The following HSPA12A variants were observed in gnomAD, a reference collection of about 807,000 sequenced individuals.
The protein encoded by HSPA12A is heat shock protein family A (Hsp70) member 12A.
In HSPA12A, 28 loss-of-function variants were observed where a neutral mutation model predicts 69.2. That is an observed-to-expected ratio of 0.40 (90% CI 0.30 to 0.55). HSPA12A has a LOEUF of 0.55. Among genes scored for constraint, HSPA12A ranks in the 20% least tolerant of loss-of-function variants. The probability of loss-of-function intolerance (pLI) is 0.38; values close to 1 mark genes in which losing one functional copy is unlikely to be tolerated. For missense variants in HSPA12A, 686 were observed against 900.7 expected (o/e 0.76, Z 3.05); for synonymous variants, 345 against 370.5 (o/e 0.93, Z 0.79).
intron 10 of HSPA12A, 26 bp from the exon 11 acceptor site, chr10:116,676,528 G>A (rs2121540): frequency 1.3e-6 from 2 of 1,569,746 alleles, no homozygotes; most frequent in Non-Finnish European, 8.8e-7. Context: ...ATGGAGAAGA[G>A]CAGGCAGTGA....
intron 2 of HSPA12A, among the ~76,000 whole-genome samples, chr10:116,808,489 T>C (rs1198640396): frequency 6.6e-6 from 1 of 152,084 alleles, no homozygotes; most frequent in Admixed American, 6.5e-5. Flanking sequence ...TGAGGCTGAT[T>C]TCCATGGTGG....
intron 2 of HSPA12A, among the ~76,000 whole-genome samples, chr10:116,755,450 A>G (rs1344980063): frequency 6.6e-6 from 1 of 151,756 alleles, no homozygotes; most frequent in African/African-American, 2.4e-5. Flanking sequence ...CGTCTCTACT[A>G]AAAATACAAA....
intron 4 of HSPA12A, among the ~76,000 whole-genome samples, chr10:116,700,313 A>C (rs184803084): frequency 1.3e-5 from 2 of 152,336 alleles, no homozygotes; most frequent in East Asian, 3.9e-4. Flanking sequence ...CCTATGCCCT[A>C]TCCTTTTCTA....
At chr10:116,722,123 G>A (rs1850801383) in intron 1 of HSPA12A, among the ~76,000 whole-genome samples, 1 of 152,236 alleles carries the variant, frequency 6.6e-6, no homozygotes, top group Admixed American at 6.5e-5. Context: ...GCTTCATTAG[G>A]CAGGGCAGCT....
intron 2 of HSPA12A, among the ~76,000 whole-genome samples, chr10:116,763,813 C>A (rs1844022589): frequency 6.6e-6 from 1 of 152,186 alleles, no homozygotes; most frequent in Non-Finnish European, 1.5e-5. Flanking sequence ...ACAGCATAGA[C>A]TGAAGCTTTA....
At chr10:116,797,393 T>C (rs1637566) in intron 2 of HSPA12A, among the ~76,000 whole-genome samples, 129,140 of 152,092 alleles carry the variant, frequency 0.85, 55,848 homozygotes, top group Non-Finnish European at 0.93. Context: ...CAGTCAGATG[T>C]TTGGGTTCCT....
At chr10:116,845,245 G>GT (rs1845860738) in intron 1 of HSPA12A, among the ~76,000 whole-genome samples, 1 of 152,078 alleles carries the variant, frequency 6.6e-6, no homozygotes, top group Non-Finnish European at 1.5e-5. Flanking sequence ...TAAATTTATA[G>GT]TTATTATATA....
chr10:116,713,684 G>T lies in HSPA12A; in HGVS notation c.41-6399C>A, dbSNP rs562314652. On this transcript the variant is annotated intron_variant, in intron 1 of 11. Coordinates refer to ENST00000369209, the MANE Select transcript of HSPA12A (RefSeq NM_025015.3). ...TTCACAGTCTCTCTCCTAACTGCAG[G>T]TTCATGCATTGGTCCGTGGGCCTCC... Among the ~76,000 whole-genome samples the T allele has an allele frequency of 2.6e-5, 4 of 152,274 alleles. No individual in the cohort carries two copies. In the South Asian group the frequency reaches 8.3e-4, roughly 32 times the overall value.
In HSPA12A at chr10:116,849,425, G is replaced by T. The variant is rs553138860; in HGVS notation, c.3+141C>A. The T allele has an allele frequency of 9.1e-6, 11 of 1,205,050 alleles. No individual in the cohort carries two copies. The South Asian group carries it at 2.2e-4, about 24-fold the overall frequency. 74.6% of individuals were successfully genotyped at this position (1,205,050 alleles called of 1,614,324 possible). ...ATACCATCCTAGCTCCAATAAAAGG[G>T]AACGACTTTTACCGCAGGAAGAACC... On this transcript the variant is annotated intron_variant, in intron 1 of 12. Transcript: ENST00000635765.
intron 1 of HSPA12A, among the ~76,000 whole-genome samples, chr10:116,717,971 A>G (rs1850659087): frequency 6.6e-6 from 1 of 152,176 alleles, no homozygotes. Context: ...GGGAACTTTC[A>G]GAATAACCTA....
intron 1 of HSPA12A, among the ~76,000 whole-genome samples, chr10:116,715,989 C>A (rs1294261536): frequency 6.6e-6 from 1 of 152,232 alleles, no homozygotes; most frequent in Admixed American, 6.5e-5. Context: ...CAGGCACCCA[C>A]TGGCCCCCTC....
intron 2 of HSPA12A, among the ~76,000 whole-genome samples, chr10:116,794,582 G>A (rs980418216): frequency 1.4e-4 from 21 of 152,312 alleles, no homozygotes; most frequent in Middle Eastern, 6.8e-3. Flanking sequence ...GGGAGGCAAG[G>A]TGGGTGGATA....
chr10:116,701,000 A>C lies in HSPA12A; in HGVS notation c.384T>G (p.Asn128Lys). Residue 128 changes from asparagine (N) to lysine (K), a missense_variant, in exon 4 of 12, where the codon AAT (asparagine) becomes AAG (lysine). Physicochemically the swap from Asn to Lys is moderately conservative, Grantham distance 94. Coordinates refer to ENST00000369209, the MANE Select transcript of HSPA12A (RefSeq NM_025015.3). ...ARDFYHDLDP[N>K]EAKQWLYLEK... ...CCAGGTACAGCCACTGCTTGGCCTCATTGGGATCCAGGTCATGGTAAAAGT... is the reference window on the plus strand; with the variant it reads ...CCAGGTACAGCCACTGCTTGGCCTCCTTGGGATCCAGGTCATGGTAAAAGT... The C allele has an allele frequency of 1.9e-6, 3 of 1,613,958 alleles. No individual in the cohort carries two copies. The highest frequency in any genetic ancestry group is 2.5e-6 in the Non-Finnish European group (3 of 1,180,000).
intron 2 of HSPA12A, among the ~76,000 whole-genome samples, chr10:116,809,508 G>C (rs765015030): frequency 4.6e-5 from 7 of 152,242 alleles, no homozygotes; most frequent in Non-Finnish European, 7.3e-5. Flanking sequence ...GCAAGGTGAG[G>C]ATTCCACGGG....
intron 6 of HSPA12A, among the ~76,000 whole-genome samples, chr10:116,685,702 T>C (rs1420746926): frequency 1.3e-5 from 2 of 151,572 alleles, no homozygotes; most frequent in African/African-American, 4.9e-5. Flanking sequence ...TCACTTTATG[T>C]AGAAAGAGAG....
intron 2 of HSPA12A, among the ~76,000 whole-genome samples, chr10:116,821,371 GGACAGCCACATGGCTTGAT>G (rs2133197809): frequency 1.3e-5 from 2 of 152,152 alleles, no homozygotes; most frequent in South Asian, 4.2e-4. Flanking sequence ...CTCCTCCATT[GGACAGCCACATGGCTTGAT>G]GACCCACCTT....
At chr10:116,705,736 G>C (rs2132980980) in intron 2 of HSPA12A, among the ~76,000 whole-genome samples, 1 of 152,292 alleles carries the variant, frequency 6.6e-6, no homozygotes, top group Non-Finnish European at 1.5e-5. Context: ...ATCTGTGCTG[G>C]CATTTCATGC....
chr10:116,717,213 C>A (rs1338744114), intron 1 of HSPA12A, among the ~76,000 whole-genome samples: 2 of 152,152 alleles, frequency 1.3e-5, no homozygotes, highest in African/African-American at 4.8e-5. Context: ...AGTCAGGATG[C>A]CACCCAGGCA....
intron 2 of HSPA12A, among the ~76,000 whole-genome samples, chr10:116,825,191 A>AG (rs1845480757): frequency 6.6e-6 from 1 of 150,832 alleles, no homozygotes. Context: ...TGTCTCAAAA[A>AG]AAAAAAAAAT....
Sources: gnomAD v4.1 joint callset for allele counts (sites outside exome capture counted in the v4.1 genomes callset) on GRCh38, gnomAD v4.1.1 for gene constraint, MANE v1.5 for transcripts, NCBI Gene and HGNC (gene_info 2026-07-23, HGNC 2026-07-21) for gene names.